MRTFB: variants seen among roughly 807,000 people sequenced by gnomAD.
MRTFB encodes the protein myocardin-related transcription factor B.
A neutral mutation model predicts 104.2 loss-of-function variants in MRTFB; 29 were observed. That is an observed-to-expected ratio of 0.28 (90% CI 0.21 to 0.38). The LOEUF (loss-of-function observed/expected upper bound fraction) is 0.38. Among genes scored for constraint, MRTFB ranks in the 10% least tolerant of loss-of-function variants. The probability of loss-of-function intolerance (pLI) is 1.00; values close to 1 mark genes in which losing one functional copy is unlikely to be tolerated. For synonymous variants in MRTFB, 535 were observed against 519.5 expected (o/e 1.03, Z -0.41); for missense variants, 1,270 against 1,341.6 (o/e 0.95, Z 0.83).
At chr16:14,240,761 A>G (rs2042731261) in intron 10 of MRTFB, 1 of 768,752 alleles carries the variant, frequency 1.3e-6, no homozygotes. Context: ...TTATTAGAAC[A>G]CCAAAATAGT....
At chr16:14,193,210 CAAAAAAA>C (rs10616011) in intron 3 of MRTFB, among the ~76,000 whole-genome samples, 6 of 56,402 alleles carry the variant, frequency 1.1e-4, no homozygotes, top group Non-Finnish European at 1.5e-4. Flanking sequence ...GACCCTGTCT[CAAAAAAA>C]AAAAAAAAAA....
chr16:14,125,677 T>A (rs1288345464), intron 2 of MRTFB, among the ~76,000 whole-genome samples: 3 of 152,190 alleles, frequency 2.0e-5, no homozygotes, highest in Admixed American at 6.5e-5. Context: ...TTCATGAAAT[T>A]GTTGGTAGTA....
At chr16:14,226,342 A>G (rs972010894) in intron 8 of MRTFB, among the ~76,000 whole-genome samples, 1 of 152,354 alleles carries the variant, frequency 6.6e-6, no homozygotes, top group East Asian at 1.9e-4. Flanking sequence ...GTATTGGCAT[A>G]AGATAAATAG....
At chr16:14,017,463 C>G in the MRTFB span, among the ~76,000 whole-genome samples, 2 of 151,052 alleles carry the variant, frequency 1.3e-5, no homozygotes, top group African/African-American at 4.9e-5. Flanking sequence ...TACTTGAGCT[C>G]TGGAATCCAG....
chr16:14,255,622 G>A (rs955377460), intron 15 of MRTFB, among the ~76,000 whole-genome samples: 2 of 152,214 alleles, frequency 1.3e-5, no homozygotes, highest in African/African-American at 4.8e-5. Context: ...ACACTGTCTT[G>A]AGGAGTGTAT....
At chr16:14,214,164 T>C (rs1023959131) in intron 6 of MRTFB, among the ~76,000 whole-genome samples, 11 of 152,172 alleles carry the variant, frequency 7.2e-5, no homozygotes, top group African/African-American at 2.7e-4. Flanking sequence ...TTCCATTCCA[T>C]CTTTGGTTAA....
At chr16:14,248,867 C>G (rs767443720) in intron 12 of MRTFB, 59 bp from the exon 13 acceptor site, 90 of 1,581,436 alleles carry the variant, frequency 5.7e-5, no homozygotes, top group Non-Finnish European at 7.1e-5. Context: ...CACCTAAGTT[C>G]TGATTTCTAA....
chr16:14,081,413 C>A (rs1390819630), intron 2 of MRTFB, among the ~76,000 whole-genome samples: 1 of 151,988 alleles, frequency 6.6e-6, no homozygotes, highest in African/African-American at 2.4e-5. Context: ...CTGCCTCAGC[C>A]TCGCAAGTAG....
At chr16:14,148,064 C>A (rs555797589) in intron 3 of MRTFB, among the ~76,000 whole-genome samples, 1 of 152,270 alleles carries the variant, frequency 6.6e-6, no homozygotes, top group Admixed American at 6.5e-5. Context: ...ATTTATATTA[C>A]ACATTGGACC....
chr16:14,261,423 C>A lies in MRTFB; in HGVS notation c.3279C>A (p.Asp1093Glu), dbSNP rs138570159. ...MFSADFLDPQ[D>E]LPLPWD ...CTGCTGACTTTCTAGACCCACAGGA[C>A]CTACCGCTGCCATGGGACTAACGTC... The change falls in exon 17 of 17, where the codon GAC becomes GAA. Residue 1093 changes from aspartate (D) to glutamate (E), a missense_variant. Asp to Glu is a conservative substitution (Grantham distance 45, BLOSUM62 2). Around this residue, in one of 3 missense-constraint regions of MRTFB, gnomAD observed 1,144 missense variants for 1,131.5 expected, o/e 1.01. Transcript: ENST00000571589. The A allele has an allele frequency of 6.2e-7, 1 of 1,602,918 alleles. No individual in the cohort carries two copies. Among genetic ancestry groups the A allele is most frequent in the Non-Finnish European group, 8.5e-7 (1 of 1,171,772 alleles).
At position 14,251,952 on chromosome 16, in the gene MRTFB, T is replaced by C. The variant is rs2043274094; in HGVS notation, c.2494T>C (p.Ser832Pro). 1 of 1,614,226 alleles carries C rather than the reference T, an allele frequency of 6.2e-7. No individual in the cohort carries two copies. The change falls in exon 14 of 17, where the codon TCC becomes CCC. Residue 832 changes from serine to proline, a missense_variant. Physicochemically the swap from Ser to Pro is moderately conservative, Grantham distance 74 (BLOSUM62 -1). Transcript: ENST00000571589. ...AVQQPFINKA[S>P]NSVLQSRNAP... ...CCAGCAGCCCTTTATCAATAAGGCC[T>C]CCAACAGTGTTCTTCAATCCAGAAA...
chr16:14,261,678 A>G lies in MRTFB; in HGVS notation c.*234A>G. The G allele has an allele frequency of 2.2e-6, 1 of 458,542 alleles. No homozygotes were observed. Among genetic ancestry groups the G allele is most frequent in the East Asian group, 3.4e-5 (1 of 29,750 alleles). 28.4% of individuals were successfully genotyped at this position (458,542 alleles called of 1,614,324 possible). On this transcript the variant is annotated 3_prime_UTR_variant, in exon 17 of 17. Coordinates refer to ENST00000571589, the MANE Select transcript of MRTFB (RefSeq NM_001308142.2). ...GGGCCTTCTGAAAATCGCACTTGTC[A>G]AAGACGACTCATCTATTTCTCCAGA...
the MRTFB span, among the ~76,000 whole-genome samples, chr16:14,062,180 C>A: frequency 6.6e-6 from 1 of 152,178 alleles, no homozygotes; most frequent in Non-Finnish European, 1.5e-5. Context: ...GCAGCCTCAA[C>A]CTTCCAGACT....
chr16:13,999,748 C>T, the MRTFB span, among the ~76,000 whole-genome samples: 5 of 152,156 alleles, frequency 3.3e-5, no homozygotes, highest in African/African-American at 1.2e-4. Context: ...GATCGAGCCT[C>T]GCCTGAAGCC....
At chr16:13,995,850 C>T in the MRTFB span, among the ~76,000 whole-genome samples, 1 of 152,128 alleles carries the variant, frequency 6.6e-6, no homozygotes, top group Non-Finnish European at 1.5e-5. Context: ...ATCCAATCAC[C>T]TCCCTCCAGA....
intron 3 of MRTFB, among the ~76,000 whole-genome samples, chr16:14,165,812 G>T (rs1010244128): frequency 3.3e-5 from 5 of 152,168 alleles, no homozygotes; most frequent in African/African-American, 1.2e-4. Flanking sequence ...TGTTAAACTT[G>T]AATTTGTGAT....
the MRTFB span, among the ~76,000 whole-genome samples, chr16:14,037,602 A>G: frequency 3.9e-4 from 59 of 152,288 alleles, no homozygotes; most frequent in Non-Finnish European, 7.1e-4. Flanking sequence ...GGGTGCTCTC[A>G]TGGCTGTGGT....
At chr16:14,039,020 T>A in the MRTFB span, among the ~76,000 whole-genome samples, 1 of 152,212 alleles carries the variant, frequency 6.6e-6, no homozygotes, top group Non-Finnish European at 1.5e-5. Context: ...ACTGCCCCCA[T>A]GATTCAGTTA....
chr16:14,182,951 G>A (rs2039819344), intron 3 of MRTFB, among the ~76,000 whole-genome samples: 1 of 152,160 alleles, frequency 6.6e-6, no homozygotes, highest in South Asian at 2.1e-4. Flanking sequence ...ACTAATAAAT[G>A]TAGAAGGAAT....
Sources: gnomAD v4.1 joint callset for allele counts (sites outside exome capture counted in the v4.1 genomes callset) on GRCh38, gnomAD v4.1.1 for gene constraint, gnomAD v4.1.1 regional missense constraint, MANE v1.5 for transcripts, NCBI Gene and HGNC (gene_info 2026-07-23, HGNC 2026-07-21) for gene names.